Variants in CCSER1 observed in about 807,000 individuals in gnomAD.
The protein encoded by CCSER1 is serine-rich coiled-coil domain-containing protein 1.
In CCSER1, 41 loss-of-function variants were observed where a neutral mutation model predicts 82.0. That is an observed-to-expected ratio of 0.50 (90% CI 0.39 to 0.65). The LOEUF (loss-of-function observed/expected upper bound fraction) is 0.65, where lower values mean the gene tolerates loss of function less well. Ranked by LOEUF, CCSER1 falls within the 30% of genes least tolerant of loss-of-function variation. CCSER1 has a pLI of 0.00. For synonymous variants in CCSER1, 414 were observed against 383.9 expected, an observed-to-expected ratio of 1.08 and a Z score of -0.92; for missense variants, 1,119 against 1,064.2, an observed-to-expected ratio of 1.05 and a Z score of -0.72.
chr4:90,240,121 TC>T (rs889941921), intron 1 of CCSER1, among the ~76,000 whole-genome samples: 4 of 152,076 alleles, frequency 2.6e-5, no homozygotes, highest in Admixed American at 1.3e-4. Flanking sequence ...TGGCTGAGCA[TC>T]CAGAGATGGC....
intron 5 of CCSER1, among the ~76,000 whole-genome samples, chr4:90,598,400 C>A (rs568773911): frequency 1.3e-5 from 2 of 152,192 alleles, no homozygotes; most frequent in Admixed American, 1.3e-4. Flanking sequence ...GGTATATCTC[C>A]TCATGCTGCA....
At chr4:90,704,243 G>C (rs1157832378) in intron 6 of CCSER1, among the ~76,000 whole-genome samples, 1 of 152,120 alleles carries the variant, frequency 6.6e-6, no homozygotes, top group Non-Finnish European at 1.5e-5. Context: ...AGCTTAGTTT[G>C]GCTGGATATG....
chr4:90,162,508 TTAAG>T (rs1449479287), intron 1 of CCSER1, among the ~76,000 whole-genome samples: 2 of 152,088 alleles, frequency 1.3e-5, no homozygotes, highest in South Asian at 2.1e-4. Flanking sequence ...ACATAATGGA[TTAAG>T]TGTTTTTCAA....
At chr4:91,563,214 A>G (rs1034856084) in intron 10 of CCSER1, among the ~76,000 whole-genome samples, 2 of 151,726 alleles carry the variant, frequency 1.3e-5, no homozygotes, top group Admixed American at 6.6e-5. Context: ...AGGCCGGGAC[A>G]CCACAAGAAA....
chr4:91,483,874 G>C (rs186098882), intron 10 of CCSER1, among the ~76,000 whole-genome samples: 1 of 151,944 alleles, frequency 6.6e-6, no homozygotes, highest in South Asian at 2.1e-4. Flanking sequence ...TCTAGGGAAC[G>C]ATAACCCCAA....
intron 1 of CCSER1, among the ~76,000 whole-genome samples, chr4:90,216,966 T>C (rs889694088): frequency 1.3e-5 from 2 of 152,302 alleles, no homozygotes; most frequent in African/African-American, 4.8e-5. Context: ...CTTTTAGCAG[T>C]GTTTTGTAGT....
intron 8 of CCSER1, among the ~76,000 whole-genome samples, chr4:90,879,158 C>T (rs556347750): frequency 2.6e-5 from 4 of 152,218 alleles, no homozygotes; most frequent in African/African-American, 9.6e-5. Flanking sequence ...TTCAGTTAAC[C>T]AGTCTTTAAG....
At chr4:90,898,859 G>C (rs1724167161) in intron 8 of CCSER1, among the ~76,000 whole-genome samples, 1 of 150,594 alleles carries the variant, frequency 6.6e-6, no homozygotes, top group African/African-American at 2.4e-5. Context: ...CCTTTTGTAT[G>C]GTTTGAAGTT....
rs575074414 is a variant in CCSER1, at chr4:91,558,842, G to A, written c.2218-39730G>A. ...GAGAATTCTGGGAGATACAATTCAAGTTGAGATTTGGGTGAGGACACAGCC... is the reference window on the plus strand; with the variant it reads ...GAGAATTCTGGGAGATACAATTCAAATTGAGATTTGGGTGAGGACACAGCC... On this transcript the variant is annotated intron_variant, in intron 10 of 10. Transcript: ENST00000509176. 5.3e-5 allele frequency among the ~76,000 whole-genome samples: 8 copies of A among 151,716 alleles called. No individual in the cohort carries two copies. In the South Asian group the frequency reaches 1.7e-3, roughly 31 times the overall value.
chr4:90,890,097 A>C (rs1387637443), intron 8 of CCSER1, among the ~76,000 whole-genome samples: 1 of 152,172 alleles, frequency 6.6e-6, no homozygotes, highest in Non-Finnish European at 1.5e-5. Flanking sequence ...CGTGTACTCT[A>C]GGAAAAATTA....
At chr4:91,114,743 G>A (rs984704579) in intron 10 of CCSER1, among the ~76,000 whole-genome samples, 1 of 152,196 alleles carries the variant, frequency 6.6e-6, no homozygotes, top group African/African-American at 2.4e-5. Flanking sequence ...CTTCAGTTTA[G>A]TCAATTTCAG....
chr4:90,858,703 A>G (rs1448642439), intron 8 of CCSER1, among the ~76,000 whole-genome samples: 1 of 151,968 alleles, frequency 6.6e-6, no homozygotes, highest in Non-Finnish European at 1.5e-5. Context: ...CACAGACGCA[A>G]CAAAGCCTAA....
intron 6 of CCSER1, among the ~76,000 whole-genome samples, chr4:90,714,558 G>A (rs1172389549): frequency 1.3e-5 from 2 of 151,948 alleles, no homozygotes; most frequent in Non-Finnish European, 2.9e-5. Flanking sequence ...ACATAGATAA[G>A]GGGTCAGAGA....
rs565561981 is a variant in CCSER1, at chr4:90,971,456, A to G, written c.2172+48009A>G. On this transcript the variant is annotated intron_variant, in intron 9 of 10. Coordinates refer to ENST00000509176, the MANE Select transcript of CCSER1 (RefSeq NM_001145065.2). ...CCCTCTTCCAACCTTGGGGATTACA[A>G]TTGAACATGAGATTTGGGTGGGGAA... Among the ~76,000 whole-genome samples, 8 of 152,108 alleles carry G rather than the reference A, an allele frequency of 5.3e-5. No homozygotes were observed. In the East Asian group the frequency reaches 1.5e-3, roughly 29 times the overall value.
At chr4:90,585,763 T>C (rs1303660354) in intron 5 of CCSER1, among the ~76,000 whole-genome samples, 1 of 152,174 alleles carries the variant, frequency 6.6e-6, no homozygotes, top group Non-Finnish European at 1.5e-5. Context: ...TTCTCAGCCC[T>C]GATATTTCTA....
intron 10 of CCSER1, among the ~76,000 whole-genome samples, chr4:91,459,585 TAG>T (rs1284144958): frequency 6.6e-6 from 1 of 152,086 alleles, no homozygotes; most frequent in Non-Finnish European, 1.5e-5. Flanking sequence ...TTTAGAGATT[TAG>T]AGAAGCATAT....
At chr4:90,991,435 G>T (rs1561451724) in intron 9 of CCSER1, among the ~76,000 whole-genome samples, 1 of 151,942 alleles carries the variant, frequency 6.6e-6, no homozygotes, top group East Asian at 1.9e-4. Context: ...GTGTTTTGCA[G>T]CTTCTGGTAC....
intron 1 of CCSER1, among the ~76,000 whole-genome samples, chr4:90,243,086 T>C (rs1298454462): frequency 7.7e-6 from 1 of 129,334 alleles, no homozygotes; most frequent in Non-Finnish European, 1.6e-5. Context: ...TTTTTTAAAA[T>C]AGGATCTTGG....
chr4:91,047,291 CAT>C (rs1742596423), intron 9 of CCSER1, among the ~76,000 whole-genome samples: 1 of 152,070 alleles, frequency 6.6e-6, no homozygotes, highest in Non-Finnish European at 1.5e-5. Flanking sequence ...ATAACACATA[CAT>C]ATATATTCAC....
Sources: allele counts gnomAD v4.1 joint callset (sites outside exome capture counted in the v4.1 genomes callset), GRCh38; gene constraint gnomAD v4.1.1; transcripts MANE v1.5; gene names NCBI Gene and HGNC (gene_info 2026-07-23, HGNC 2026-07-21).